KCNMA1: variants seen among roughly 807,000 people sequenced by gnomAD.
KCNMA1 encodes the protein potassium calcium-activated channel subfamily M alpha 1, also known as Calcium-activated potassium channel subunit alpha-1.
KCNMA1 carries 29 observed loss-of-function variants against 140.0 expected under a neutral mutation model. That is an observed-to-expected ratio of 0.21 (90% CI 0.15 to 0.28). The LOEUF (loss-of-function observed/expected upper bound fraction) is 0.28. Ranked by LOEUF, KCNMA1 falls within the 10% of genes least tolerant of loss-of-function variation. The probability of loss-of-function intolerance (pLI) is 1.00; values close to 1 mark genes in which losing one functional copy is unlikely to be tolerated. For synonymous variants in KCNMA1, 612 were observed against 611.9 expected, an observed-to-expected ratio of 1.00 and a Z score of 0.00; for missense variants, 880 against 1,602.2, an observed-to-expected ratio of 0.55 and a Z score of 7.70.
In KCNMA1 at chr10:77,474,461, A is replaced by C. The variant is rs191419688; in HGVS notation, c.379-70438T>G. On this transcript the variant is annotated intron_variant, in intron 1 of 27. Coordinates refer to ENST00000286628, the MANE Select transcript of KCNMA1 (RefSeq NM_001161352.2). ...GCGGCCATCTACAAGAGCCAAGGAG[A>C]GAGGCCTCGGAGGAAACCAATCCTG... 3.9e-5 allele frequency among the ~76,000 whole-genome samples: 6 copies of C among 152,278 alleles called. No individual in the cohort carries two copies. In the East Asian group the frequency reaches 1.2e-3, roughly 29 times the overall value.
intron 14 of KCNMA1, among the ~76,000 whole-genome samples, chr10:77,055,640 A>G (rs1220296491): frequency 6.6e-6 from 1 of 152,086 alleles, no homozygotes; most frequent in Non-Finnish European, 1.5e-5. Flanking sequence ...CTCTGCCCAA[A>G]AAACCTATGG....
At chr10:76,953,649 G>A in intron 21 of KCNMA1, 152 bp downstream of exon 21, 2 of 917,958 alleles carry the variant, frequency 2.2e-6, no homozygotes, top group East Asian at 2.4e-5. Context: ...CAGAGGTCTA[G>A]CTGCTTCAAT....
chr10:77,138,420 G>C (rs2098096120), intron 5 of KCNMA1, among the ~76,000 whole-genome samples: 1 of 151,986 alleles, frequency 6.6e-6, no homozygotes, highest in Non-Finnish European at 1.5e-5. Flanking sequence ...CATTTTGCCT[G>C]GTCTGACTTT....
chr10:76,994,025 G>A (rs759591832), intron 19 of KCNMA1, among the ~76,000 whole-genome samples: 2 of 152,150 alleles, frequency 1.3e-5, no homozygotes, highest in Non-Finnish European at 2.9e-5. Flanking sequence ...AACTGCAAGA[G>A]TAACTGAGCA....
chr10:77,190,831 A>C (rs941835960), intron 3 of KCNMA1, among the ~76,000 whole-genome samples: 3 of 152,062 alleles, frequency 2.0e-5, no homozygotes, highest in Admixed American at 6.6e-5. Context: ...TTATAGAGGG[A>C]TAACTCCTAG....
At chr10:76,943,991 G>A (rs564292172) in intron 23 of KCNMA1, among the ~76,000 whole-genome samples, 3 of 152,278 alleles carry the variant, frequency 2.0e-5, no homozygotes, top group South Asian at 2.1e-4. Context: ...CTGGCAGCTC[G>A]TCTGTAACAA....
intron 3 of KCNMA1, among the ~76,000 whole-genome samples, chr10:77,240,591 C>T (rs1179387084): frequency 1.3e-5 from 2 of 152,146 alleles, no homozygotes; most frequent in Non-Finnish European, 2.9e-5. Context: ...TTTGCTTGGC[C>T]TGCAAGTACT....
chr10:77,382,959 C>CGTGTGTGTGTGT lies in KCNMA1; in HGVS notation c.540+20891_540+20902dup, dbSNP rs57049025. On this transcript the variant is annotated intron_variant, in intron 2 of 27. Coordinates refer to ENST00000286628, the MANE Select transcript of KCNMA1 (RefSeq NM_001161352.2). ...ATATATACACATATACATATATATACGTGTGTGTGTGTGTGTGTGTGTGTG... is the reference window on the plus strand; with the variant it reads ...ATATATACACATATACATATATATACGTGTGTGTGTGTGTGTGTGTGTGTGTGTGTGTGTGTG... 8.7e-3 allele frequency among the ~76,000 whole-genome samples: 669 copies of CGTGTGTGTGTGT among 76,874 alleles called. 17 individuals carry two copies. Among genetic ancestry groups the CGTGTGTGTGTGT allele is most frequent in the Non-Finnish European group, 0.014 (544 of 37,702 alleles). 50.4% of individuals were successfully genotyped at this position (76,874 alleles called of 152,430 possible). A position where few individuals can be genotyped will look rare whatever the true frequency, so the allele number is the denominator to read the frequency against.
chr10:77,363,731 CTT>C (rs1692563928), intron 2 of KCNMA1, among the ~76,000 whole-genome samples: 1 of 152,112 alleles, frequency 6.6e-6, no homozygotes, highest in South Asian at 2.1e-4. Flanking sequence ...CTCTTTCTTG[CTT>C]TGTAGTGAGA....
intron 1 of KCNMA1, among the ~76,000 whole-genome samples, chr10:77,586,777 C>T (rs188338992): frequency 2.6e-5 from 4 of 152,296 alleles, no homozygotes; most frequent in East Asian, 3.9e-4. Flanking sequence ...AGAACTCACA[C>T]GTATGCTTAG....
At chr10:77,436,685 A>C (rs570499228) in intron 1 of KCNMA1, among the ~76,000 whole-genome samples, 3 of 152,356 alleles carry the variant, frequency 2.0e-5, no homozygotes, top group African/African-American at 7.2e-5. Context: ...TGTTTCCAGC[A>C]GCACATGACA....
At chr10:77,556,281 G>C (rs1458886793) in intron 1 of KCNMA1, among the ~76,000 whole-genome samples, 1 of 152,082 alleles carries the variant, frequency 6.6e-6, no homozygotes. Flanking sequence ...GAGGCAGGTG[G>C]ATCATTTGAG....
At chr10:76,933,473 A>G (rs1258734136) in intron 23 of KCNMA1, among the ~76,000 whole-genome samples, 1 of 152,152 alleles carries the variant, frequency 6.6e-6, no homozygotes, top group East Asian at 1.9e-4. Flanking sequence ...CCCTTTAAGT[A>G]CCTTGGTTAT....
chr10:77,382,994 G>GTGTGTATATATA (rs1491457588), intron 2 of KCNMA1, among the ~76,000 whole-genome samples: 2 of 46,426 alleles, frequency 4.3e-5, no homozygotes, highest in African/African-American at 1.9e-4. Context: ...GTGTGTGTGT[G>GTGTGTATATATA]TATATATATA....
At chr10:77,312,293 G>A (rs2079526783) in intron 2 of KCNMA1, among the ~76,000 whole-genome samples, 1 of 152,218 alleles carries the variant, frequency 6.6e-6, no homozygotes, top group African/African-American at 2.4e-5. Flanking sequence ...TGTAGCATGA[G>A]AGAAGGGAAG....
At chr10:76,955,390 G>A (rs978556035) in intron 20 of KCNMA1, among the ~76,000 whole-genome samples, 46 of 151,944 alleles carry the variant, frequency 3.0e-4, no homozygotes, top group African/African-American at 1.1e-3. Context: ...CCTCCAATAT[G>A]CTCCCCACTC....
chr10:77,012,629 C>A lies in KCNMA1; in HGVS notation c.2016-586G>T, dbSNP rs945323463. The A allele has an allele frequency of 6.1e-5, 75 of 1,233,736 alleles. No homozygotes were observed. The Admixed American group carries it at 1.5e-3, about 24-fold the overall frequency. 76.4% of individuals were successfully genotyped at this position (1,233,736 alleles called of 1,614,324 possible). On this transcript the variant is annotated intron_variant, in intron 17 of 27. Transcript: ENST00000286628. ...TCAAACCCCCTCTGGAGTTTCACAG[C>A]TTATTTTACTCCAAAGCTGACTGGA...
At chr10:77,462,515 TCA>T (rs2097897904) in intron 1 of KCNMA1, among the ~76,000 whole-genome samples, 1 of 152,180 alleles carries the variant, frequency 6.6e-6, no homozygotes, top group Non-Finnish European at 1.5e-5. Context: ...GCTCATGTGC[TCA>T]CAGAGACCCT....
intron 1 of KCNMA1, among the ~76,000 whole-genome samples, chr10:77,494,623 G>A (rs879476552): frequency 5.9e-5 from 9 of 152,218 alleles, no homozygotes; most frequent in South Asian, 2.1e-4. Flanking sequence ...GAGGTCATAC[G>A]TGTGATTCTC....
Sources: allele counts gnomAD v4.1 joint callset (sites outside exome capture counted in the v4.1 genomes callset), GRCh38; gene constraint gnomAD v4.1.1; transcripts MANE v1.5; gene names NCBI Gene and HGNC (gene_info 2026-07-23, HGNC 2026-07-21).